PCCA: variants seen among roughly 807,000 people sequenced by gnomAD.
The protein encoded by PCCA is propionyl-CoA carboxylase alpha chain, mitochondrial.
A neutral mutation model predicts 101.3 loss-of-function variants in PCCA; 74 were observed. The ratio of observed to expected loss-of-function variants is 0.73; its 90% CI spans 0.61 to 0.89. The LOEUF is 0.89. Among genes scored for constraint, PCCA ranks in the 40% least tolerant of loss-of-function variants. PCCA has a pLI of 0.00. For missense variants in PCCA, 891 were observed against 907.0 expected (o/e 0.98, Z 0.23); for synonymous variants, 294 against 313.6 (o/e 0.94, Z 0.66).
chr13:100,343,277 A>G (rs2071670418), intron 18 of PCCA, among the ~76,000 whole-genome samples: 2 of 152,170 alleles, frequency 1.3e-5, no homozygotes, highest in Non-Finnish European at 2.9e-5. Context: ...GAGAAGATAA[A>G]TGAATGGCAC....
At chr13:100,237,935 C>CTTTTTT (rs1167146448) in intron 8 of PCCA, among the ~76,000 whole-genome samples, 1 of 131,082 alleles carries the variant, frequency 7.6e-6, no homozygotes, top group African/African-American at 3.0e-5. Flanking sequence ...TTCTTTCTTT[C>CTTTTTT]TTTCTTTTTT....
At chr13:100,488,035 G>GTA (rs569696447) in intron 21 of PCCA, among the ~76,000 whole-genome samples, 2,686 of 151,496 alleles carry the variant, frequency 0.018, 39 homozygotes, top group Middle Eastern at 0.038. Context: ...AGCCATATAT[G>GTA]TATATATATA....
chr13:100,413,346 A>C (rs1217914270), intron 19 of PCCA, among the ~76,000 whole-genome samples: 1 of 152,206 alleles, frequency 6.6e-6, no homozygotes, highest in Non-Finnish European at 1.5e-5. Flanking sequence ...TGTGGTGGTA[A>C]ACCACCAGCT....
At position 100,530,125 on chromosome 13, in the gene PCCA, G is replaced by A. The variant is rs750171548; in HGVS notation, c.2146G>A (p.Asp716Asn). 3.1e-6 allele frequency: 5 copies of A among 1,614,108 alleles called. No individual in the cohort carries two copies. The highest frequency in any genetic ancestry group is 3.4e-6 in the Non-Finnish European group (4 of 1,179,954). ...GAAATCTGTGCACTGTCAAGCTGGA[G>A]ACACAGTTGGAGAAGGGGATCTGCT... ...TVKSVHCQAG[D>N]TVGEGDLLVE... The change falls in exon 24 of 24, where the codon GAC becomes AAC. Residue 716 changes from aspartate (D) to asparagine (N), a missense_variant. By Grantham distance (23) the Asp-to-Asn change is conservative. Transcript: ENST00000376285.
intron 18 of PCCA, among the ~76,000 whole-genome samples, chr13:100,361,293 A>T (rs2074557752): frequency 1.3e-5 from 1 of 75,644 alleles, no homozygotes; most frequent in South Asian, 3.2e-4. Flanking sequence ...TTCAGTTAAC[A>T]GTAACATTGA....
At chr13:100,260,186 A>T (rs1260937823) in intron 9 of PCCA, among the ~76,000 whole-genome samples, 1 of 152,206 alleles carries the variant, frequency 6.6e-6, no homozygotes, top group African/African-American at 2.4e-5. Context: ...TGAAGTTTGC[A>T]GCCTCCTAAG....
chr13:100,353,293 A>G (rs891791294), intron 18 of PCCA, among the ~76,000 whole-genome samples: 4 of 152,194 alleles, frequency 2.6e-5, no homozygotes, highest in African/African-American at 9.6e-5. Flanking sequence ...TCTCTAGAAT[A>G]ATCTCTCCAA....
At chr13:100,239,947 A>T (rs1198931609) in intron 8 of PCCA, among the ~76,000 whole-genome samples, 2 of 152,112 alleles carry the variant, frequency 1.3e-5, no homozygotes, top group African/African-American at 4.8e-5. Flanking sequence ...TCTCTCCTGG[A>T]TGCCTCTTTT....
chr13:100,102,844 C>T lies in PCCA; in HGVS notation c.106-39C>T, dbSNP rs755471513. ...CCTGAAAAAATGTTCTAAAGCCCATCAAGTATTTGCAATTTATTTTGCTTT... is the reference window on the plus strand; with the variant it reads ...CCTGAAAAAATGTTCTAAAGCCCATTAAGTATTTGCAATTTATTTTGCTTT... On this transcript the variant is annotated intron_variant, in intron 1 of 23. Coordinates refer to ENST00000376285, the MANE Select transcript of PCCA (RefSeq NM_000282.4). The T allele has an allele frequency of 2.2e-6, 3 of 1,346,160 alleles. No individual in the cohort carries two copies. In the South Asian group the frequency reaches 3.5e-5, roughly 16 times the overall value. 83.4% of individuals were successfully genotyped at this position (1,346,160 alleles called of 1,614,324 possible).
chr13:100,301,742 A>C, intron 13 of PCCA, 139 bp downstream of exon 13: 1 of 1,008,672 alleles, frequency 9.9e-7, no homozygotes, highest in South Asian at 1.3e-5. Context: ...TTAAATCAGA[A>C]AAAAATTAGA....
At chr13:100,428,966 C>A (rs141414981) in intron 20 of PCCA, among the ~76,000 whole-genome samples, 8 of 152,022 alleles carry the variant, frequency 5.3e-5, no homozygotes, top group Non-Finnish European at 8.8e-5. Flanking sequence ...TTGTAGCTTA[C>A]GAGGTTTTTT....
At chr13:100,129,742 A>G (rs1461150679) in intron 4 of PCCA, among the ~76,000 whole-genome samples, 3 of 152,170 alleles carry the variant, frequency 2.0e-5, no homozygotes, top group Non-Finnish European at 4.4e-5. Flanking sequence ...TGCAGACAAT[A>G]CTTGGTGGCC....
intron 21 of PCCA, among the ~76,000 whole-genome samples, chr13:100,487,020 C>A (rs549325477): frequency 1.3e-5 from 2 of 152,166 alleles, no homozygotes; most frequent in East Asian, 3.9e-4. Flanking sequence ...ATGTTAGCAT[C>A]TGATATTTTA....
intron 9 of PCCA, among the ~76,000 whole-genome samples, chr13:100,258,364 C>T (rs9518032): frequency 0.25 from 37,810 of 152,110 alleles, 5,844 homozygotes; most frequent in Middle Eastern, 0.41. Context: ...ATGGGAGATA[C>T]TGTTGTGGCC....
intron 19 of PCCA, among the ~76,000 whole-genome samples, chr13:100,407,494 C>T (rs1290022661): frequency 1.3e-5 from 2 of 152,124 alleles, no homozygotes; most frequent in African/African-American, 4.8e-5. Context: ...CCTTTTATAG[C>T]CCTTTACGAA....
At chr13:100,422,118 C>CT (rs773470012) in intron 19 of PCCA, among the ~76,000 whole-genome samples, 2 of 51,166 alleles carry the variant, frequency 3.9e-5, no homozygotes, top group Non-Finnish European at 8.2e-5. Flanking sequence ...TTCTTTCTTT[C>CT]TTTTCTTTCT....
At chr13:100,353,823 C>T (rs139437083) in intron 18 of PCCA, among the ~76,000 whole-genome samples, 2 of 151,964 alleles carry the variant, frequency 1.3e-5, no homozygotes, top group South Asian at 2.1e-4. Flanking sequence ...CATGGTGGCA[C>T]GTGCCTATAG....
chr13:100,235,955 T>C, intron 8 of PCCA, 77 bp downstream of exon 8: 1 of 878,360 alleles, frequency 1.1e-6, no homozygotes, highest in Non-Finnish European at 2.0e-6. Flanking sequence ...TAATAAGTAA[T>C]TCCCATAGAG....
chr13:100,179,548 A>G (rs1594568944), intron 6 of PCCA, among the ~76,000 whole-genome samples: 1 of 152,166 alleles, frequency 6.6e-6, no homozygotes, highest in Non-Finnish European at 1.5e-5. Flanking sequence ...CTTGCTACCT[A>G]TAGTCTTGCT....
Sources: gnomAD v4.1 joint callset for allele counts (sites outside exome capture counted in the v4.1 genomes callset) on GRCh38, gnomAD v4.1.1 for gene constraint, MANE v1.5 for transcripts, NCBI Gene and HGNC (gene_info 2026-07-23, HGNC 2026-07-21) for gene names.